The following LRBA variants were observed in gnomAD, a reference collection of about 807,000 sequenced individuals.
LRBA encodes the protein LPS responsive beige-like anchor protein, also known as lipopolysaccharide-responsive and beige-like anchor protein.
In LRBA, 176 loss-of-function variants were observed where a neutral mutation model predicts 330.0. The ratio of observed to expected loss-of-function variants is 0.53; its 90% CI spans 0.47 to 0.60. The LOEUF (loss-of-function observed/expected upper bound fraction) is 0.60, where lower values mean the gene tolerates loss of function less well. Among genes scored for constraint, LRBA ranks in the 20% least tolerant of loss-of-function variants. The pLI, the probability that LRBA is intolerant of heterozygous loss-of-function variation, is 0.00. For missense variants in LRBA, 3,259 were observed against 3,444.8 expected (o/e 0.95, Z 1.35); for synonymous variants, 1,230 against 1,193.0 (o/e 1.03, Z -0.64).
At chr4:150,662,765 G>GA (rs1781234058) in intron 37 of LRBA, among the ~76,000 whole-genome samples, 1 of 152,038 alleles carries the variant, frequency 6.6e-6, no homozygotes, top group South Asian at 2.1e-4. Flanking sequence ...CCTGGAGTTT[G>GA]AGACCAGTCT....
At chr4:150,657,453 A>C (rs1037984274) in intron 37 of LRBA, among the ~76,000 whole-genome samples, 1 of 152,040 alleles carries the variant, frequency 6.6e-6, no homozygotes, top group Non-Finnish European at 1.5e-5. Flanking sequence ...TATTCCATTT[A>C]TTCTGAAGAT....
chr4:150,547,895 A>G (rs1443659346), intron 40 of LRBA, among the ~76,000 whole-genome samples: 1 of 152,196 alleles, frequency 6.6e-6, no homozygotes, highest in Non-Finnish European at 1.5e-5. Context: ...AAGGAAAATA[A>G]TGCATTTACA....
At position 150,867,852 on chromosome 4, in the gene LRBA, T is replaced by C; in HGVS notation, c.2585A>G (p.Gln862Arg). ...CATCCATTCTTGCCACACAGAGCAT[T>C]GTAGCAAGCTCCTGAAAATTATGAG... ...NSRENRRSLL[Q>R]CSVWQEWMLS... Residue 862 changes from glutamine (Q) to arginine (R), a missense_variant, in exon 22 of 57, where the codon CAA becomes CGA. Physicochemically the swap from Gln to Arg is conservative, Grantham distance 43 (BLOSUM62 1). Transcript: ENST00000651943. The C allele has an allele frequency of 1.9e-6, 3 of 1,607,686 alleles. No homozygotes were observed. In the South Asian group the frequency reaches 3.4e-5, roughly 18 times the overall value.
chr4:150,949,783 T>C (rs952142481), intron 2 of LRBA, among the ~76,000 whole-genome samples: 16 of 152,072 alleles, frequency 1.1e-4, no homozygotes, highest in African/African-American at 3.9e-4. Context: ...GTTCAAATTC[T>C]GAAGCCACCT....
At chr4:150,325,715 G>A in intron 49 of LRBA, 94 bp downstream of exon 49, 1 of 855,342 alleles carries the variant, frequency 1.2e-6, no homozygotes, top group South Asian at 1.5e-5. Context: ...ACCCACATAT[G>A]GTGGAGAAAC....
intron 17 of LRBA, among the ~76,000 whole-genome samples, chr4:150,882,199 G>A (rs1392506909): frequency 6.6e-6 from 1 of 152,088 alleles, no homozygotes; most frequent in African/African-American, 2.4e-5. Context: ...AAAAGAACCT[G>A]AAATTATTCT....
intron 34 of LRBA, among the ~76,000 whole-genome samples, chr4:150,793,783 T>C (rs550843098): frequency 1.4e-4 from 22 of 152,268 alleles, no homozygotes; most frequent in Admixed American, 9.1e-4. Context: ...CCAAAAGAGA[T>C]TGTAATTTAT....
chr4:150,989,324 G>C (rs1741811059), intron 2 of LRBA, among the ~76,000 whole-genome samples: 3 of 151,460 alleles, frequency 2.0e-5, no homozygotes, highest in Admixed American at 2.0e-4. Context: ...TAATATATAA[G>C]AACTCTGTGG....
At chr4:150,793,893 G>T (rs894994913) in intron 34 of LRBA, among the ~76,000 whole-genome samples, 1 of 152,160 alleles carries the variant, frequency 6.6e-6, no homozygotes, top group Non-Finnish European at 1.5e-5. Flanking sequence ...AGAAATAGCT[G>T]TTACCTTCAT....
chr4:150,789,276 A>C (rs1435893531), intron 34 of LRBA, among the ~76,000 whole-genome samples: 1 of 152,152 alleles, frequency 6.6e-6, no homozygotes, highest in Non-Finnish European at 1.5e-5. Flanking sequence ...CAAGATTCTG[A>C]TTCTTTTATT....
intron 44 of LRBA, among the ~76,000 whole-genome samples, chr4:150,448,707 C>T (rs1752922203): frequency 6.8e-6 from 1 of 147,000 alleles, no homozygotes; most frequent in Non-Finnish European, 1.5e-5. Context: ...GAGGCTGAGG[C>T]AGGAGAATTG....
At chr4:150,832,707 C>A (rs1280048358) in intron 28 of LRBA, among the ~76,000 whole-genome samples, 1 of 151,950 alleles carries the variant, frequency 6.6e-6, no homozygotes, top group African/African-American at 2.4e-5. Flanking sequence ...AATAAAAGTG[C>A]CAAAAAATAA....
chr4:150,875,418 T>C (rs1035139949), intron 17 of LRBA, among the ~76,000 whole-genome samples: 2 of 152,148 alleles, frequency 1.3e-5, no homozygotes, highest in Non-Finnish European at 2.9e-5. Context: ...CTCCAGAGCA[T>C]AGAAGGGAGC....
intron 40 of LRBA, among the ~76,000 whole-genome samples, chr4:150,556,161 G>C (rs1247168488): frequency 1.3e-5 from 2 of 152,074 alleles, no homozygotes; most frequent in East Asian, 3.9e-4. Context: ...AAAATTTTAT[G>C]GGACCTGAAA....
At chr4:150,634,839 A>AG (rs1777727028) in intron 37 of LRBA, among the ~76,000 whole-genome samples, 1 of 152,172 alleles carries the variant, frequency 6.6e-6, no homozygotes, top group East Asian at 1.9e-4. Flanking sequence ...TAGGGACTTA[A>AG]AACAGAAGCC....
intron 37 of LRBA, among the ~76,000 whole-genome samples, chr4:150,642,863 T>C (rs1778809220): frequency 6.6e-6 from 1 of 151,776 alleles, no homozygotes; most frequent in South Asian, 2.1e-4. Flanking sequence ...GGCAAAAGAA[T>C]TACTCTCAAA....
chr4:150,777,256 A>T (rs1168087793), intron 34 of LRBA, among the ~76,000 whole-genome samples: 3 of 151,996 alleles, frequency 2.0e-5, no homozygotes, highest in Non-Finnish European at 4.4e-5. Flanking sequence ...ACTGCACCGG[A>T]TCTAAATTCA....
chr4:150,984,346 C>T (rs1164908294), intron 2 of LRBA, among the ~76,000 whole-genome samples: 2 of 152,064 alleles, frequency 1.3e-5, no homozygotes, highest in Non-Finnish European at 2.9e-5. Flanking sequence ...CCCATCTCTA[C>T]TAAAAATACA....
intron 47 of LRBA, among the ~76,000 whole-genome samples, chr4:150,376,606 G>C (rs1469302592): frequency 1.3e-5 from 2 of 151,952 alleles, no homozygotes; most frequent in African/African-American, 4.8e-5. Context: ...TCTATCGGAG[G>C]ACCCAACCCA....
Sources: allele counts gnomAD v4.1 joint callset (sites outside exome capture counted in the v4.1 genomes callset), GRCh38; gene constraint gnomAD v4.1.1; transcripts MANE v1.5; gene names NCBI Gene and HGNC (gene_info 2026-07-23, HGNC 2026-07-21).